AKAP5: variants seen among roughly 807,000 people sequenced by gnomAD.
AKAP5 encodes A-kinase anchor protein 5.
Under a neutral mutation model 13.8 loss-of-function variants are expected in AKAP5, and 5 were observed. That is an observed-to-expected ratio of 0.36 (90% CI 0.19 to 0.76). The LOEUF (loss-of-function observed/expected upper bound fraction) is 0.76, where lower values mean the gene tolerates loss of function less well. Among genes scored for constraint, AKAP5 ranks in the 30% least tolerant of loss-of-function variants. The pLI, the probability that AKAP5 is intolerant of heterozygous loss-of-function variation, is 0.51. For missense variants in AKAP5, 406 were observed against 484.4 expected (o/e 0.84, Z 1.52); for synonymous variants, 148 against 167.2 (o/e 0.89, Z 0.89).
Position 64,469,748 on chromosome 14 carries a change from C to G in AKAP5, c.*70C>G. The stretch of plus-strand genomic sequence containing the variant: ...ATTCTTTTATACATTTGTGGCATTT[C>G]TTACTCAGTAACAAATGAGAGATTT... On this transcript the variant is annotated 3_prime_UTR_variant, in exon 2 of 2. Coordinates refer to ENST00000394718, the MANE Select transcript of AKAP5 (RefSeq NM_004857.3). The G allele has an allele frequency of 8.9e-7, 1 of 1,129,210 alleles. No individual in the cohort carries two copies. The highest frequency in any genetic ancestry group is 1.3e-6 in the Non-Finnish European group (1 of 796,710). The allele number at this position is 1,129,210 out of a possible 1,614,324, so 69.9% of individuals were successfully genotyped here.
intron 1 of AKAP5, chr14:64,467,772 A>G (rs1271710604): frequency 6.6e-6 from 1 of 152,156 alleles, no homozygotes; most frequent in Non-Finnish European, 1.5e-5. Flanking sequence ...ATTGAGTGTG[A>G]TAAAGATTAC....
rs924483108 is a variant in AKAP5 at position 64,471,998 on chromosome 14, G to A, written c.*2320G>A. On this transcript the variant is annotated 3_prime_UTR_variant, in exon 2 of 2. Transcript: ENST00000394718. ...CTGAAGTGCAAAAATATTTCCCCCA[G>A]ATTTTCCTACCTTCATGCTTATAAT... is the stretch of plus-strand genomic sequence containing the variant. 6.0e-6 allele frequency: 1 copy of A among 166,350 alleles called. No individual in the cohort carries two copies. The highest frequency in any genetic ancestry group is 2.1e-4 in the South Asian group (1 of 4,830). The allele number at this position is 166,350 out of a possible 1,614,324, so 10.3% of individuals were successfully genotyped here. A position where few individuals can be genotyped will look rare whatever the true frequency, so the allele number is the denominator to read the frequency against.
At position 64,468,243 on chromosome 14, in the gene AKAP5, A is replaced by G. The variant is rs2078631463; in HGVS notation, c.-152A>G. On this transcript the variant is annotated 5_prime_UTR_variant, in exon 2 of 2. Coordinates refer to ENST00000394718, the MANE Select transcript of AKAP5 (RefSeq NM_004857.3). ...TGGGCATTTCTATACTAGAGAAACC[A>G]CCTAAAACAACTGTATGGAGTAAGA... 1.6e-6 allele frequency: 1 copy of G among 619,846 alleles called. No individual in the cohort carries two copies. 38.4% of individuals were successfully genotyped at this position (619,846 alleles called of 1,614,324 possible).
rs146036774 is a variant in AKAP5 at position 64,469,388 on chromosome 14, A to T, written c.994A>T (p.Ser332Cys). The T allele has an allele frequency of 2.6e-4, 416 of 1,614,088 alleles. 1 individual carries two copies. The African/African-American group carries it at 4.7e-3, about 18-fold the overall frequency. ...ITEEKSKSEE[S>C]KRMEPIAIII... ...TGAAGAGAAATCCAAATCAGAAGAA[A>T]GCAAAAGAATGGAGCCAATTGCTAT... is the stretch of plus-strand genomic sequence containing the variant. Residue 332 changes from serine to cysteine, a missense_variant, in exon 2 of 2, where the codon AGC becomes TGC. Transcript: ENST00000394718.
chr14:64,467,091 T>C (rs2141002229), intron 1 of AKAP5: 1 of 152,342 alleles, frequency 6.6e-6, no homozygotes, highest in Admixed American at 6.5e-5. Flanking sequence ...TAAATGACCA[T>C]TAATCAATTT....
In AKAP5 at chr14:64,469,184, G is replaced by C. The variant is rs747309709; in HGVS notation, c.790G>C (p.Asp264His). 1 of 1,614,124 alleles carries C rather than the reference G, an allele frequency of 6.2e-7. No individual in the cohort carries two copies. Among genetic ancestry groups the C allele is most frequent in the Non-Finnish European group, 8.5e-7 (1 of 1,180,042 alleles). ...AGACCATCAGCAGCCAGTACTTTCT[G>C]ATGTTCCTCCTTTACCTGCAATTCC... Reference protein sequence around the residue: ...ETDHQQPVLSDVPPLPAIPDQ... With the variant: ...ETDHQQPVLSHVPPLPAIPDQ... The change falls in exon 2 of 2, where the codon GAT becomes CAT. Residue 264 changes from aspartate (D) to histidine (H), a missense_variant. Asp to His is a moderately conservative substitution (Grantham distance 81). Coordinates refer to ENST00000394718, the MANE Select transcript of AKAP5 (RefSeq NM_004857.3).
rs2078702483 is a variant in AKAP5, at chr14:64,474,473, AT to A, written c.*4797del. On this transcript the variant is annotated 3_prime_UTR_variant, in exon 2 of 2. Transcript: ENST00000394718. ...AGTTGAATTAATTTATGTACTGATT[AT>A]TAATACAGAATAAATGTTATATTGA... 1 of 167,068 alleles carries A rather than the reference AT, an allele frequency of 6.0e-6. No homozygotes were observed. The highest frequency in any genetic ancestry group is 1.5e-5 in the Non-Finnish European group (1 of 68,122). 10.3% of individuals were successfully genotyped at this position (167,068 alleles called of 1,614,324 possible). A position where few individuals can be genotyped will look rare whatever the true frequency, so the allele number is the denominator to read the frequency against.
rs2141004339 is a variant in AKAP5, at chr14:64,469,729, T to C, written c.*51T>C. The C allele has an allele frequency of 7.7e-7, 1 of 1,298,516 alleles. No homozygotes were observed. The highest frequency in any genetic ancestry group is 1.1e-6 in the Non-Finnish European group (1 of 946,602). 80.4% of individuals were successfully genotyped at this position (1,298,516 alleles called of 1,614,324 possible). A position where few individuals can be genotyped will look rare whatever the true frequency, so the allele number is the denominator to read the frequency against. ...AAAACAAGCTTAATGAAGAATTCTT[T>C]TATACATTTGTGGCATTTCTTACTC... On this transcript the variant is annotated 3_prime_UTR_variant, in exon 2 of 2. Coordinates refer to ENST00000394718, the MANE Select transcript of AKAP5 (RefSeq NM_004857.3).
chr14:64,468,578 T>C lies in AKAP5; in HGVS notation c.184T>C (p.Cys62Arg). 1.2e-6 allele frequency: 2 copies of C among 1,613,846 alleles called. No individual in the cohort carries two copies. Among genetic ancestry groups the C allele is most frequent in the Non-Finnish European group, 8.5e-7 (1 of 1,179,988 alleles). ...TGAAGCTGCTGATGTGGCAAGGAAGTGTCCACAAGAAGCAGGAGCTTCTGA... is the reference window on the plus strand; with the variant it reads ...TGAAGCTGCTGATGTGGCAAGGAAGCGTCCACAAGAAGCAGGAGCTTCTGA... ...GSEAADVARK[C>R]PQEAGASDQP... The change falls in exon 2 of 2, where the codon TGT becomes CGT. Residue 62 changes from cysteine to arginine, a missense_variant. Coordinates refer to ENST00000394718, the MANE Select transcript of AKAP5 (RefSeq NM_004857.3).
Position 64,470,604 on chromosome 14 carries a change from A to AC in AKAP5, c.*926_*927insC, listed in dbSNP as rs2078660037. The stretch of plus-strand genomic sequence containing the variant: ...GACTCCTTCTCAAAAAAAAAAAAAA[A>AC]AAAAAAGAGAACCATTCACAAATCC... On this transcript the variant is annotated 3_prime_UTR_variant, in exon 2 of 2. Coordinates refer to ENST00000394718, the MANE Select transcript of AKAP5 (RefSeq NM_004857.3). 1 of 164,624 alleles carries AC rather than the reference A, an allele frequency of 6.1e-6. No homozygotes were observed. The highest frequency in any genetic ancestry group is 1.5e-5 in the Non-Finnish European group (1 of 67,548). The allele number at this position is 164,624 out of a possible 1,614,324, so 10.2% of individuals were successfully genotyped here.
chr14:64,469,488 C>G lies in AKAP5; in HGVS notation c.1094C>G (p.Ser365Ter). ...SKNVPKQFLI[S>*]AENEQVGVFA... The stretch of plus-strand genomic sequence containing the variant: ...AATGTCCCTAAGCAATTCTTAATTT[C>G]AGCTGAAAATGAGCAAGTAGGGGTT... Residue 365 changes from serine (S) to a stop codon, truncating the protein, a stop_gained, in exon 2 of 2, where the codon TCA becomes TGA. Coordinates refer to ENST00000394718, the MANE Select transcript of AKAP5 (RefSeq NM_004857.3). LOFTEE classifies it high-confidence loss of function. 6.2e-7 allele frequency: 1 copy of G among 1,613,078 alleles called. No individual in the cohort carries two copies. Among genetic ancestry groups the G allele is most frequent in the Non-Finnish European group, 8.5e-7 (1 of 1,179,774 alleles).
Position 64,472,469 on chromosome 14 carries a change from C to G in AKAP5, c.*2791C>G, listed in dbSNP as rs371361130. The stretch of plus-strand genomic sequence containing the variant: ...TTTGGTTAAGAAAGTAAAATTTTAT[C>G]TAATACTAGGTTTTTACTTTTTTCA... On this transcript the variant is annotated 3_prime_UTR_variant, in exon 2 of 2. Transcript: ENST00000394718. The G allele has an allele frequency of 6.6e-5, 11 of 166,798 alleles. No homozygotes were observed. Among genetic ancestry groups the G allele is most frequent in the African/African-American group, 2.7e-4 (11 of 41,400 alleles). 10.3% of individuals were successfully genotyped at this position (166,798 alleles called of 1,614,324 possible). A position where few individuals can be genotyped will look rare whatever the true frequency, so the allele number is the denominator to read the frequency against.
Position 64,470,421 on chromosome 14 carries a change from C to A in AKAP5, c.*743C>A. 1 of 159,616 alleles carries A rather than the reference C, an allele frequency of 6.3e-6. No individual in the cohort carries two copies. 9.9% of individuals were successfully genotyped at this position (159,616 alleles called of 1,614,324 possible). A position where few individuals can be genotyped will look rare whatever the true frequency, so the allele number is the denominator to read the frequency against. On this transcript the variant is annotated 3_prime_UTR_variant, in exon 2 of 2. Transcript: ENST00000394718. ...CCTGGCCAATGTGGTGAAACCCCAT[C>A]TCTACTGAAAATACAAAAATTAGCT... is the stretch of plus-strand genomic sequence containing the variant.
rs988121015 is a variant in AKAP5 at position 64,468,755 on chromosome 14, G to A, written c.361G>A (p.Ala121Thr). ...GGATGCTGATCTTTCTAAGAAAAAG[G>A]CAAAATCTAGACTTAAGATTCCCTG... ...AEDADLSKKK[A>T]KSRLKIPCIK... The change falls in exon 2 of 2, where the codon GCA becomes ACA. Residue 121 changes from alanine to threonine, a missense_variant. Coordinates refer to ENST00000394718, the MANE Select transcript of AKAP5 (RefSeq NM_004857.3). The A allele has an allele frequency of 2.5e-6, 4 of 1,614,046 alleles. No homozygotes were observed. In the African/African-American group the frequency reaches 5.3e-5, roughly 22 times the overall value.
Position 64,474,233 on chromosome 14 carries a change from C to T in AKAP5, c.*4555C>T, listed in dbSNP as rs1203195123. ...ATACAGCAGCAGTTTGAAAGTGTTC[C>T]GTTTTTAAATAAACAGTATGCTTAT... On this transcript the variant is annotated 3_prime_UTR_variant, in exon 2 of 2. Coordinates refer to ENST00000394718, the MANE Select transcript of AKAP5 (RefSeq NM_004857.3). 1 of 166,894 alleles carries T rather than the reference C, an allele frequency of 6.0e-6. No individual in the cohort carries two copies. The highest frequency in any genetic ancestry group is 1.5e-5 in the Non-Finnish European group (1 of 68,068). The allele number at this position is 166,894 out of a possible 1,614,324, so 10.3% of individuals were successfully genotyped here.
intron 1 of AKAP5, among the ~76,000 whole-genome samples, chr14:64,465,977 T>C (rs2078609079): frequency 6.6e-6 from 1 of 152,186 alleles, no homozygotes; most frequent in Admixed American, 6.5e-5. Flanking sequence ...GGCATTTTCC[T>C]TTTTGAGTAC....
At position 64,474,397 on chromosome 14, in the gene AKAP5, C is replaced by T. The variant is rs1465191313; in HGVS notation, c.*4719C>T. ...TCTCATTAAAATTAGTACTAAATTA[C>T]TATGGATCAGATGATAATATTAAAT... On this transcript the variant is annotated 3_prime_UTR_variant, in exon 2 of 2. Coordinates refer to ENST00000394718, the MANE Select transcript of AKAP5 (RefSeq NM_004857.3). The T allele has an allele frequency of 6.0e-6, 1 of 166,934 alleles. No individual in the cohort carries two copies. Among genetic ancestry groups the T allele is most frequent in the Admixed American group, 6.5e-5 (1 of 15,274 alleles). 10.3% of individuals were successfully genotyped at this position (166,934 alleles called of 1,614,324 possible).
chr14:64,465,832 T>G (rs2078607275), intron 1 of AKAP5, among the ~76,000 whole-genome samples: 1 of 152,202 alleles, frequency 6.6e-6, no homozygotes, highest in Admixed American at 6.5e-5. Flanking sequence ...GCGTTACAGC[T>G]TGTCTTAGAA....
Position 64,470,610 on chromosome 14 carries a change from A to AAAG in AKAP5, c.*932_*933insAAG, listed in dbSNP as rs373420644. The AAAG allele has an allele frequency of 4.4e-3, 670 of 151,266 alleles. 41 individuals carry two copies. Among genetic ancestry groups the AAAG allele is most frequent in the Non-Finnish European group, 4.7e-3 (304 of 65,296 alleles). The allele number at this position is 151,266 out of a possible 1,614,324, so 9.4% of individuals were successfully genotyped here. ...TTCTCAAAAAAAAAAAAAAAAAAAA[A>AAAG]GAGAACCATTCACAAATCCTTCAAT... On this transcript the variant is annotated 3_prime_UTR_variant, in exon 2 of 2. Coordinates refer to ENST00000394718, the MANE Select transcript of AKAP5 (RefSeq NM_004857.3).
Sources: gnomAD v4.1 joint callset for allele counts (sites outside exome capture counted in the v4.1 genomes callset) on GRCh38, gnomAD v4.1.1 for gene constraint, MANE v1.5 for transcripts, NCBI Gene and HGNC (gene_info 2026-07-23, HGNC 2026-07-21) for gene names.